Variants in LYPLAL1 observed in about 807,000 individuals in gnomAD.
LYPLAL1 encodes the protein lysophospholipase-like protein 1.
LYPLAL1 carries 23 observed loss-of-function variants against 19.7 expected under a neutral mutation model. The ratio of observed to expected loss-of-function variants is 1.17; its 90% CI spans 0.84 to 1.65. The LOEUF (loss-of-function observed/expected upper bound fraction) is 1.65, where lower values mean the gene tolerates loss of function less well. LYPLAL1 is among the 40% of genes most tolerant of loss of function. LYPLAL1 has a pLI of 0.00. For synonymous variants in LYPLAL1, 119 were observed against 96.3 expected, an observed-to-expected ratio of 1.24 and a Z score of -1.38; for missense variants, 355 against 279.4, an observed-to-expected ratio of 1.27 and a Z score of -1.93.
chr1:219,284,845 A>G, the LYPLAL1 span, among the ~76,000 whole-genome samples: 7 of 152,340 alleles, frequency 4.6e-5, no homozygotes, highest in Admixed American at 2.0e-4. Flanking sequence ...CCTCTGTGCC[A>G]CTGCACTGGT....
At chr1:219,191,167 G>A (rs1172184283) in intron 2 of LYPLAL1, among the ~76,000 whole-genome samples, 5 of 151,456 alleles carry the variant, frequency 3.3e-5, no homozygotes, top group African/African-American at 1.2e-4. Flanking sequence ...CCTGTAGAAA[G>A]GTAAATTTTT....
At chr1:219,393,485 C>A in the LYPLAL1 span, among the ~76,000 whole-genome samples, 1 of 152,132 alleles carries the variant, frequency 6.6e-6, no homozygotes, top group Non-Finnish European at 1.5e-5. Context: ...GGTAGGAAGA[C>A]ACTGGGGAGG....
At chr1:219,243,479 A>G in the LYPLAL1 span, among the ~76,000 whole-genome samples, 19 of 152,268 alleles carry the variant, frequency 1.2e-4, no homozygotes, top group African/African-American at 4.3e-4. Flanking sequence ...ATTAAGCTGG[A>G]GGAAGAAATA....
the LYPLAL1 span, among the ~76,000 whole-genome samples, chr1:219,310,502 G>T: frequency 4.6e-5 from 7 of 152,236 alleles, no homozygotes; most frequent in African/African-American, 1.7e-4. Context: ...AAAGATCAAG[G>T]CCTGTGAGTA....
chr1:219,259,829 A>G, the LYPLAL1 span, among the ~76,000 whole-genome samples: 6 of 151,882 alleles, frequency 4.0e-5, no homozygotes, highest in Admixed American at 2.6e-4. Flanking sequence ...AATTCATGAG[A>G]TTACTCAATT....
the LYPLAL1 span, among the ~76,000 whole-genome samples, chr1:219,246,063 C>T: frequency 6.6e-6 from 1 of 152,066 alleles, no homozygotes; most frequent in African/African-American, 2.4e-5. Context: ...TATGAGTGAA[C>T]CTCTTTTCCC....
chr1:219,199,482 G>A (rs548663322), intron 3 of LYPLAL1, among the ~76,000 whole-genome samples: 23 of 151,132 alleles, frequency 1.5e-4, no homozygotes, highest in African/African-American at 2.9e-4. Flanking sequence ...TCTGTGGCCC[G>A]CCCAAGCTGG....
At chr1:219,332,881 G>A in the LYPLAL1 span, among the ~76,000 whole-genome samples, 1 of 150,712 alleles carries the variant, frequency 6.6e-6, no homozygotes, top group African/African-American at 2.4e-5. Context: ...GGCTCTGGGG[G>A]AGAATCCATT....
the LYPLAL1 span, among the ~76,000 whole-genome samples, chr1:219,367,802 A>G: frequency 6.6e-6 from 1 of 152,192 alleles, no homozygotes; most frequent in Non-Finnish European, 1.5e-5. Context: ...AAGTATAACC[A>G]GTTCTTTTTG....
At chr1:219,424,516 A>C in the LYPLAL1 span, among the ~76,000 whole-genome samples, 3 of 152,204 alleles carry the variant, frequency 2.0e-5, no homozygotes, top group Non-Finnish European at 2.9e-5. Context: ...AGATGGATGG[A>C]ACCGGGCATG....
the LYPLAL1 span, among the ~76,000 whole-genome samples, chr1:219,423,116 C>A: frequency 6.6e-6 from 1 of 152,098 alleles, no homozygotes; most frequent in African/African-American, 2.4e-5. Context: ...GCCTAGAACA[C>A]CCCTCTCTAC....
chr1:219,423,095 G>C, the LYPLAL1 span, among the ~76,000 whole-genome samples: 1 of 152,088 alleles, frequency 6.6e-6, no homozygotes, highest in African/African-American at 2.4e-5. Flanking sequence ...TTTGCTCACA[G>C]AGTTCATTTT....
At chr1:219,374,835 T>G in the LYPLAL1 span, among the ~76,000 whole-genome samples, 1 of 152,162 alleles carries the variant, frequency 6.6e-6, no homozygotes, top group Non-Finnish European at 1.5e-5. Flanking sequence ...ATTTCCCCGT[T>G]CCATGACTTC....
chr1:219,363,568 AC>A, the LYPLAL1 span, among the ~76,000 whole-genome samples: 2 of 152,140 alleles, frequency 1.3e-5, no homozygotes, highest in African/African-American at 4.8e-5. Flanking sequence ...AAAACTGTAA[AC>A]CTGATCATGT....
chr1:219,225,216 G>C, the LYPLAL1 span: 147,266 of 152,260 alleles, frequency 0.97, 71,416 homozygotes, highest in East Asian at 1. Flanking sequence ...TGCTCACCAG[G>C]CATAATATGT....
At chr1:219,437,577 T>G in the LYPLAL1 span, among the ~76,000 whole-genome samples, 22 of 152,002 alleles carry the variant, frequency 1.4e-4, no homozygotes, top group Non-Finnish European at 2.2e-4. Context: ...TGCTGCCAGG[T>G]ACCTCTCCCA....
intron 3 of LYPLAL1, among the ~76,000 whole-genome samples, chr1:219,204,466 T>C (rs1658379025): frequency 1.3e-5 from 2 of 152,330 alleles, no homozygotes; most frequent in South Asian, 4.1e-4. Flanking sequence ...TTTGTTTCTG[T>C]CTAAGACAGG....
At chr1:219,277,601 C>T in the LYPLAL1 span, among the ~76,000 whole-genome samples, 106 of 152,240 alleles carry the variant, frequency 7.0e-4, no homozygotes, top group Middle Eastern at 3.4e-3. Context: ...GGATCAGAAG[C>T]TGGAAAACAA....
the LYPLAL1 span, among the ~76,000 whole-genome samples, chr1:219,364,578 T>C: frequency 6.6e-6 from 1 of 152,196 alleles, no homozygotes; most frequent in East Asian, 1.9e-4. Flanking sequence ...GTGATTACTT[T>C]TTAGTTTGTT....
Sources: allele counts gnomAD v4.1 joint callset (sites outside exome capture counted in the v4.1 genomes callset), GRCh38; gene constraint gnomAD v4.1.1; transcripts MANE v1.5; gene names NCBI Gene and HGNC (gene_info 2026-07-23, HGNC 2026-07-21).